CMIP: variants seen among roughly 807,000 people sequenced by gnomAD.
The protein encoded by CMIP is C-Maf-inducing protein.
A neutral mutation model predicts 97.3 loss-of-function variants in CMIP; 13 were observed. That is an observed-to-expected ratio of 0.13 (90% CI 0.09 to 0.21). The LOEUF (loss-of-function observed/expected upper bound fraction) is 0.21. Among genes scored for constraint, CMIP ranks in the 10% least tolerant of loss-of-function variants. The probability of loss-of-function intolerance (pLI) is 1.00; values close to 1 mark genes in which losing one functional copy is unlikely to be tolerated. For missense variants in CMIP, 847 were observed against 1,024.9 expected (o/e 0.83, Z 2.37); for synonymous variants, 538 against 436.3 (o/e 1.23, Z -2.91).
chr16:81,463,878 C>T (rs540234335), intron 1 of CMIP: 2 of 152,388 alleles, frequency 1.3e-5, no homozygotes, highest in South Asian at 2.1e-4. Flanking sequence ...TATGTGCCCA[C>T]TCTTGTATGG....
chr16:81,642,897 C>T (rs1019280833), intron 3 of CMIP, among the ~76,000 whole-genome samples: 6 of 148,412 alleles, frequency 4.0e-5, no homozygotes, highest in Non-Finnish European at 5.9e-5. Flanking sequence ...CTCCATCTCG[C>T]AAAAAAAAGA....
chr16:81,456,422 C>T (rs1906550915), intron 1 of CMIP, among the ~76,000 whole-genome samples: 1 of 152,160 alleles, frequency 6.6e-6, no homozygotes, highest in East Asian at 1.9e-4. Flanking sequence ...GATGTCACGA[C>T]GAGTCCCTGG....
chr16:81,696,481 A>T, intron 13 of CMIP, 79 bp from the exon 14 acceptor site: 2 of 1,395,872 alleles, frequency 1.4e-6, no homozygotes, highest in Non-Finnish European at 2.0e-6. Flanking sequence ...AGCCTTTCCC[A>T]TTCATGTGTG....
Position 81,699,696 on chromosome 16 carries a change from C to T in CMIP, c.1650C>T (p.Leu550=), listed in dbSNP as rs775052580. The T allele has an allele frequency of 6.2e-6, 10 of 1,611,606 alleles. No homozygotes were observed. The South Asian group carries it at 8.8e-5, about 14-fold the overall frequency. The change falls in exon 15 of 21, where the codon CTC becomes CTT. Residue 550 remains leucine, a synonymous_variant. Transcript: ENST00000537098. ...GELFASMVHI[L]MGSCYKTKKF... ...TTCTTGCCTCACAGGTGCACATCCT[C>T]ATGGGCTCCTGTTACAAGACCAAAA...
chr16:81,485,488 A>G (rs1351086440), intron 1 of CMIP, among the ~76,000 whole-genome samples: 1 of 152,208 alleles, frequency 6.6e-6, no homozygotes, highest in African/African-American at 2.4e-5. Context: ...CCCAGCTTGT[A>G]GACACTCCCC....
chr16:81,494,036 C>T (rs2089448283), intron 1 of CMIP, among the ~76,000 whole-genome samples: 2 of 152,210 alleles, frequency 1.3e-5, no homozygotes, highest in South Asian at 4.1e-4. Context: ...ATGTGATTCA[C>T]CATGTGATCG....
chr16:81,583,572 G>A (rs1334101388), intron 1 of CMIP, among the ~76,000 whole-genome samples: 1 of 152,210 alleles, frequency 6.6e-6, no homozygotes, highest in Non-Finnish European at 1.5e-5. Flanking sequence ...GGTCACAGAC[G>A]TGGAGGGAGT....
chr16:81,702,727 T>C, intron 17 of CMIP, 58 bp downstream of exon 17: 3 of 1,493,216 alleles, frequency 2.0e-6, no homozygotes, highest in South Asian at 1.2e-5. Context: ...GTCCTCTCTG[T>C]TGGGGAACGG....
chr16:81,533,705 C>T (rs1417953974), intron 1 of CMIP, among the ~76,000 whole-genome samples: 1 of 152,180 alleles, frequency 6.6e-6, no homozygotes, highest in Admixed American at 6.5e-5. Flanking sequence ...TCACAAACTC[C>T]TGAGCTCAGG....
At position 81,640,291 on chromosome 16, in the gene CMIP, C is replaced by A. The variant is rs576038645; in HGVS notation, c.478-11912C>A. Among the ~76,000 whole-genome samples, 68 of 150,942 alleles carry A rather than the reference C, an allele frequency of 4.5e-4. 1 individual carries two copies. In the South Asian group the frequency reaches 0.013, roughly 29 times the overall value. On this transcript the variant is annotated intron_variant, in intron 3 of 20. Transcript: ENST00000537098. ...AGAGCAGGATAGGACATCAGGCCCC[C>A]CCCCCCCCAATTCCCCAGGGAAAGA...
chr16:81,544,606 A>G (rs896773254), intron 1 of CMIP, among the ~76,000 whole-genome samples: 2 of 151,112 alleles, frequency 1.3e-5, no homozygotes, highest in African/African-American at 4.9e-5. Context: ...GGGTGCCAGG[A>G]CCACCACAGG....
intron 10 of CMIP, among the ~76,000 whole-genome samples, chr16:81,687,221 C>A (rs1429606203): frequency 6.6e-6 from 1 of 151,934 alleles, no homozygotes; most frequent in Non-Finnish European, 1.5e-5. Context: ...ACCAGCCATC[C>A]ACCCAGCCCG....
chr16:81,653,762 G>A (rs756710781), intron 4 of CMIP, among the ~76,000 whole-genome samples: 1 of 152,188 alleles, frequency 6.6e-6, no homozygotes, highest in Non-Finnish European at 1.5e-5. Flanking sequence ...ACAGGCGTGC[G>A]CCACCATGCC....
chr16:81,600,564 G>C (rs923990803), intron 1 of CMIP, among the ~76,000 whole-genome samples: 2 of 152,236 alleles, frequency 1.3e-5, no homozygotes, highest in African/African-American at 4.8e-5. Context: ...TACCAGGCTA[G>C]TGGCTGCCTG....
intron 1 of CMIP, among the ~76,000 whole-genome samples, chr16:81,541,362 TG>T (rs1234574461): frequency 2.0e-5 from 3 of 152,234 alleles, no homozygotes; most frequent in Admixed American, 6.5e-5. Flanking sequence ...AGATGTGTTT[TG>T]GAGATGTGCA....
chr16:81,556,924 A>G (rs1273750321), intron 1 of CMIP, among the ~76,000 whole-genome samples: 9 of 152,214 alleles, frequency 5.9e-5, no homozygotes, highest in Non-Finnish European at 1.3e-4. Flanking sequence ...CAGGGAGGCC[A>G]AGGAGGCGCG....
At chr16:81,691,304 C>T (rs750200796) in intron 10 of CMIP, among the ~76,000 whole-genome samples, 23 of 152,168 alleles carry the variant, frequency 1.5e-4, no homozygotes, top group Non-Finnish European at 2.8e-4. Context: ...TCTGCGTGTC[C>T]GTGTTTCCTC....
chr16:81,688,032 A>T (rs1041962023), intron 10 of CMIP, among the ~76,000 whole-genome samples: 7 of 152,226 alleles, frequency 4.6e-5, no homozygotes, highest in African/African-American at 1.7e-4. Context: ...GGCAGCGCAG[A>T]GCGAATTGCA....
chr16:81,619,854 A>G (rs1209285902), intron 2 of CMIP: 1 of 152,224 alleles, frequency 6.6e-6, no homozygotes. Flanking sequence ...GAGCCAGTCC[A>G]CACACAGGAC....
Sources: gnomAD v4.1 joint callset for allele counts (sites outside exome capture counted in the v4.1 genomes callset) on GRCh38, gnomAD v4.1.1 for gene constraint, MANE v1.5 for transcripts, NCBI Gene and HGNC (gene_info 2026-07-23, HGNC 2026-07-21) for gene names.